The following SKAP2 variants were observed in gnomAD, a reference collection of about 807,000 sequenced individuals.
SKAP2 encodes the protein src kinase-associated phosphoprotein 2.
A neutral mutation model predicts 54.9 loss-of-function variants in SKAP2; 28 were observed. The observed-to-expected ratio is 0.51, with a 90% CI of 0.38 to 0.70. SKAP2 has a LOEUF of 0.70. SKAP2 is among the 30% of genes least tolerant of loss of function. SKAP2 has a pLI of 0.00. For synonymous variants in SKAP2, 137 were observed against 134.3 expected (o/e 1.02, Z -0.14); for missense variants, 356 against 424.1 (o/e 0.84, Z 1.41).
At chr7:26,713,229 G>C (rs943892028) in intron 9 of SKAP2, among the ~76,000 whole-genome samples, 4 of 152,292 alleles carry the variant, frequency 2.6e-5, no homozygotes, top group Non-Finnish European at 5.9e-5. Context: ...AAAGGCTTCA[G>C]TTTAAATGTC....
intron 11 of SKAP2, among the ~76,000 whole-genome samples, chr7:26,670,509 G>T (rs1488198180): frequency 6.6e-6 from 1 of 151,996 alleles, no homozygotes; most frequent in Non-Finnish European, 1.5e-5. Context: ...AGAGCCTGGG[G>T]ATACCTTTCA....
chr7:26,784,529 C>T (rs1783498820), intron 4 of SKAP2, among the ~76,000 whole-genome samples: 1 of 152,212 alleles, frequency 6.6e-6, no homozygotes, highest in African/African-American at 2.4e-5. Flanking sequence ...TGTGGCTCTT[C>T]AACCAGAATT....
chr7:26,772,925 G>C (rs750836001), intron 4 of SKAP2, among the ~76,000 whole-genome samples: 3 of 152,172 alleles, frequency 2.0e-5, no homozygotes, highest in Non-Finnish European at 2.9e-5. Flanking sequence ...TTACAATAAG[G>C]CTGAGTCCAG....
chr7:26,717,223 G>A (rs1462823752), intron 9 of SKAP2, among the ~76,000 whole-genome samples: 1 of 152,064 alleles, frequency 6.6e-6, no homozygotes, highest in East Asian at 1.9e-4. Flanking sequence ...CTTCTAAGCA[G>A]GCATTGGCCT....
At chr7:26,690,179 A>G (rs1786751685) in intron 10 of SKAP2, 106 bp downstream of exon 10, 2 of 816,336 alleles carry the variant, frequency 2.4e-6, no homozygotes, top group South Asian at 3.3e-5. Flanking sequence ...CAAAAATGCC[A>G]ACTTTGGGGA....
intron 4 of SKAP2, among the ~76,000 whole-genome samples, chr7:26,835,607 A>G (rs1784690507): frequency 6.6e-6 from 1 of 152,192 alleles, no homozygotes; most frequent in African/African-American, 2.4e-5. Context: ...CAAGAAGAAT[A>G]AAATACCTAG....
intron 4 of SKAP2, among the ~76,000 whole-genome samples, chr7:26,829,869 T>C (rs779813786): frequency 6.6e-6 from 1 of 152,114 alleles, no homozygotes; most frequent in Non-Finnish European, 1.5e-5. Context: ...AACCAAAATA[T>C]ACCATATGAT....
At chr7:26,698,417 T>C (rs973482559) in intron 9 of SKAP2, among the ~76,000 whole-genome samples, 1 of 152,224 alleles carries the variant, frequency 6.6e-6, no homozygotes, top group African/African-American at 2.4e-5. Context: ...TTTGCACTGA[T>C]GTTGCAGAGC....
rs530121035 is a variant in SKAP2, at chr7:26,804,575, T to C, written c.307+39455A>G. 3.9e-5 allele frequency among the ~76,000 whole-genome samples: 6 copies of C among 151,966 alleles called. No homozygotes were observed. The South Asian group carries it at 6.2e-4, about 16-fold the overall frequency. ...CTAATGTGGTGAAACGCTGTCTCTA[T>C]TAAAATTACAAAAATTAGCCAGGCA... On this transcript the variant is annotated intron_variant, in intron 4 of 12. Coordinates refer to ENST00000345317, the MANE Select transcript of SKAP2 (RefSeq NM_003930.5).
chr7:26,807,764 C>T (rs1333553539), intron 4 of SKAP2, among the ~76,000 whole-genome samples: 2 of 152,182 alleles, frequency 1.3e-5, no homozygotes, highest in African/African-American at 4.8e-5. Context: ...ACAGCCATCC[C>T]AAACCTTCAG....
chr7:26,682,763 T>G (rs1336086892), intron 11 of SKAP2, among the ~76,000 whole-genome samples: 6 of 152,216 alleles, frequency 3.9e-5, no homozygotes, highest in Non-Finnish European at 4.4e-5. Flanking sequence ...CTTTAACCTT[T>G]GTTCTCTAAT....
At chr7:26,655,377 T>G in the SKAP2 span, among the ~76,000 whole-genome samples, 2 of 151,582 alleles carry the variant, frequency 1.3e-5, no homozygotes, top group East Asian at 3.9e-4. Flanking sequence ...GACCATTGTC[T>G]TGTTTTAATG....
chr7:26,656,458 G>C, the SKAP2 span, among the ~76,000 whole-genome samples: 3 of 152,308 alleles, frequency 2.0e-5, no homozygotes, highest in Admixed American at 1.3e-4. Flanking sequence ...TTCCAAACAA[G>C]TTGATAATAA....
chr7:26,661,076 T>C, the SKAP2 span, among the ~76,000 whole-genome samples: 1 of 152,100 alleles, frequency 6.6e-6, no homozygotes, highest in African/African-American at 2.4e-5. Context: ...TTTTAAAAAA[T>C]CAGTTCATGA....
intron 4 of SKAP2, among the ~76,000 whole-genome samples, chr7:26,812,238 A>C (rs1385052946): frequency 6.6e-6 from 1 of 152,154 alleles, no homozygotes; most frequent in East Asian, 1.9e-4. Context: ...AAGTAAATAG[A>C]GTGATGGTCA....
At chr7:26,709,352 T>C (rs1787243683) in intron 9 of SKAP2, among the ~76,000 whole-genome samples, 2 of 152,048 alleles carry the variant, frequency 1.3e-5, no homozygotes, top group Non-Finnish European at 2.9e-5. Flanking sequence ...GGAACTAGCT[T>C]AATAGAAGCA....
chr7:26,766,545 G>C (rs1415095395), intron 4 of SKAP2, among the ~76,000 whole-genome samples: 1 of 152,184 alleles, frequency 6.6e-6, no homozygotes, highest in Non-Finnish European at 1.5e-5. Flanking sequence ...TCCTTGTCTT[G>C]AGCCGGTTTT....
intron 4 of SKAP2, among the ~76,000 whole-genome samples, chr7:26,806,038 T>A (rs1336910137): frequency 1.3e-5 from 2 of 152,164 alleles, no homozygotes; most frequent in South Asian, 4.1e-4. Flanking sequence ...ATAGTTACCA[T>A]TGTAATTGTT....
chr7:26,728,627 C>A (rs141726193), intron 6 of SKAP2, among the ~76,000 whole-genome samples: 20 of 152,192 alleles, frequency 1.3e-4, no homozygotes, highest in African/African-American at 4.6e-4. Context: ...AAAACCAGCA[C>A]GCAGCATTAT....
Sources: allele counts gnomAD v4.1 joint callset (sites outside exome capture counted in the v4.1 genomes callset), GRCh38; gene constraint gnomAD v4.1.1; transcripts MANE v1.5; gene names NCBI Gene and HGNC (gene_info 2026-07-23, HGNC 2026-07-21).